The following FOXP1 variants were observed in gnomAD, a reference collection of about 807,000 sequenced individuals.
FOXP1 encodes the protein forkhead box protein P1.
Under a neutral mutation model 98.2 loss-of-function variants are expected in FOXP1, and 15 were observed. The observed-to-expected ratio is 0.15, with a 90% CI of 0.10 to 0.24. The LOEUF is 0.24. Ranked by LOEUF, FOXP1 falls within the 10% of genes least tolerant of loss-of-function variation. The probability of loss-of-function intolerance (pLI) is 1.00; values close to 1 mark genes in which losing one functional copy is unlikely to be tolerated. For synonymous variants in FOXP1, 371 were observed against 314.5 expected, an observed-to-expected ratio of 1.18 and a Z score of -1.90; for missense variants, 633 against 848.5, an observed-to-expected ratio of 0.75 and a Z score of 3.15.
At chr3:71,173,218 T>C (rs149989366) in intron 6 of FOXP1, among the ~76,000 whole-genome samples, 100 of 152,000 alleles carry the variant, frequency 6.6e-4, no homozygotes, top group African/African-American at 2.3e-3. Context: ...TTCTGAAAAA[T>C]CATCATAGTT....
intron 6 of FOXP1, among the ~76,000 whole-genome samples, chr3:71,180,186 T>G (rs2062203233): frequency 6.6e-6 from 1 of 152,098 alleles, no homozygotes; most frequent in Admixed American, 6.5e-5. Context: ...CACCTTTTTG[T>G]TTTTCTTGTT....
intron 5 of FOXP1, among the ~76,000 whole-genome samples, chr3:71,205,510 A>C (rs2063969135): frequency 6.6e-6 from 1 of 152,112 alleles, no homozygotes. Context: ...GCATGTTTTA[A>C]AAAAAAACAA....
At chr3:71,147,101 A>G (rs1247658700) in intron 6 of FOXP1, among the ~76,000 whole-genome samples, 1 of 152,164 alleles carries the variant, frequency 6.6e-6, no homozygotes, top group African/African-American at 2.4e-5. Context: ...TAACTTGGAG[A>G]AGTCTTAGTT....
intron 11 of FOXP1, among the ~76,000 whole-genome samples, chr3:71,030,220 G>C (rs886662656): frequency 2.0e-5 from 3 of 152,206 alleles, no homozygotes; most frequent in African/African-American, 7.2e-5. Context: ...GTTGGGTTCT[G>C]ATAGGAGGCT....
rs929765315 is a variant in FOXP1, at chr3:71,064,770, G to T, written c.283-10997C>A. The stretch of plus-strand genomic sequence containing the variant: ...GCGAGGCCCCCAGGAAGCGGGCGCC[G>T]CGGAGCCGGGGGAAGGAGAGCGAAA... On this transcript the variant is annotated intron_variant, in intron 7 of 20. Coordinates refer to ENST00000649528, the MANE Select transcript of FOXP1 (RefSeq NM_001349338.3). 3.0e-6 allele frequency: 3 copies of T among 984,032 alleles called. No homozygotes were observed. The African/African-American group carries it at 5.2e-5, about 17-fold the overall frequency. The allele number at this position is 984,032 out of a possible 1,614,324, so 61.0% of individuals were successfully genotyped here. A position where few individuals can be genotyped will look rare whatever the true frequency, so the allele number is the denominator to read the frequency against.
At chr3:71,319,965 C>A (rs2075297622) in intron 4 of FOXP1, among the ~76,000 whole-genome samples, 1 of 152,116 alleles carries the variant, frequency 6.6e-6, no homozygotes, top group Non-Finnish European at 1.5e-5. Context: ...ATTCTCTTTC[C>A]TTCACCCTGA....
At chr3:71,214,764 G>A (rs1306409221) in intron 5 of FOXP1, among the ~76,000 whole-genome samples, 1 of 152,194 alleles carries the variant, frequency 6.6e-6, no homozygotes, top group Non-Finnish European at 1.5e-5. Flanking sequence ...GCGGGGGAGA[G>A]AGGATCATAA....
intron 4 of FOXP1, among the ~76,000 whole-genome samples, chr3:71,348,602 GTA>G (rs533352361): frequency 2.7e-4 from 41 of 151,604 alleles, no homozygotes; most frequent in African/African-American, 9.9e-4. Flanking sequence ...ATGCAGGTGT[GTA>G]TGTGTGTGCA....
intron 6 of FOXP1, among the ~76,000 whole-genome samples, chr3:71,122,689 G>A (rs2058864536): frequency 6.6e-6 from 1 of 152,108 alleles, no homozygotes; most frequent in African/African-American, 2.4e-5. Context: ...AGGGAAGTTC[G>A]GGAAAGTTTT....
At chr3:71,001,954 A>G (rs1386544978) in intron 12 of FOXP1, among the ~76,000 whole-genome samples, 1 of 152,210 alleles carries the variant, frequency 6.6e-6, no homozygotes, top group Non-Finnish European at 1.5e-5. Context: ...GACTGTCATG[A>G]TATTTAGGCC....
chr3:71,007,026 T>C (rs1019223714), intron 12 of FOXP1, among the ~76,000 whole-genome samples: 2 of 152,186 alleles, frequency 1.3e-5, no homozygotes, highest in Non-Finnish European at 2.9e-5. Flanking sequence ...CTGTGGTATT[T>C]AGGCCACTTT....
chr3:71,455,107 TAGTC>T (rs994405534), intron 3 of FOXP1, among the ~76,000 whole-genome samples: 4 of 152,148 alleles, frequency 2.6e-5, no homozygotes, highest in Non-Finnish European at 4.4e-5. Flanking sequence ...TCTTTACAAA[TAGTC>T]AGTTTTTTAA....
chr3:71,365,448 A>C (rs997938733), intron 3 of FOXP1, among the ~76,000 whole-genome samples: 2 of 149,886 alleles, frequency 1.3e-5, no homozygotes, highest in Non-Finnish European at 3.0e-5. Flanking sequence ...TACTTGCAAC[A>C]ACCAAAAAAA....
In FOXP1 at chr3:71,115,317, T is replaced by TTTTATTTATTTATTTATTTA. The variant is rs10563814; in HGVS notation, c.181-2700_181-2681dup. Among the ~76,000 whole-genome samples, 1,354 of 144,132 alleles carry TTTTATTTATTTATTTATTTA rather than the reference T, an allele frequency of 9.4e-3. 13 individuals are homozygous for TTTTATTTATTTATTTATTTA. Among genetic ancestry groups the TTTTATTTATTTATTTATTTA allele is most frequent in the East Asian group, 0.045 (218 of 4,880 alleles). 94.6% of individuals were successfully genotyped at this position (144,132 alleles called of 152,430 possible). A position where few individuals can be genotyped will look rare whatever the true frequency, so the allele number is the denominator to read the frequency against. ...CACTCAATTATTATTATTATTATTA[T>TTTTATTTATTTATTTATTTA]TTTATTTATTTATTTATTTATTTAT... On this transcript the variant is annotated intron_variant, in intron 6 of 20. Coordinates refer to ENST00000649528, the MANE Select transcript of FOXP1 (RefSeq NM_001349338.3).
chr3:71,337,258 T>G (rs948781353), intron 4 of FOXP1, among the ~76,000 whole-genome samples: 1 of 152,248 alleles, frequency 6.6e-6, no homozygotes, highest in Non-Finnish European at 1.5e-5. Flanking sequence ...ACAATTTTTA[T>G]GTAAATATAT....
At chr3:71,165,336 G>C (rs1202768047) in intron 6 of FOXP1, among the ~76,000 whole-genome samples, 1 of 150,024 alleles carries the variant, frequency 6.7e-6, no homozygotes, top group African/African-American at 2.5e-5. Flanking sequence ...TGTGTTTAAT[G>C]AACGTTTACC....
At chr3:70,966,357 A>G (rs1045780761) in intron 19 of FOXP1, 1 of 408,370 alleles carries the variant, frequency 2.4e-6, no homozygotes, top group Non-Finnish European at 4.6e-6. Flanking sequence ...TATGAGGTTT[A>G]TGTCGGATGC....
chr3:71,536,946 C>T (rs113724336), intron 2 of FOXP1, among the ~76,000 whole-genome samples: 6 of 152,118 alleles, frequency 3.9e-5, no homozygotes, highest in Non-Finnish European at 8.8e-5. Context: ...AGTGACTTAA[C>T]ACCCCTGCTG....
chr3:71,566,014 G>A (rs931720348), intron 2 of FOXP1, among the ~76,000 whole-genome samples: 1 of 152,122 alleles, frequency 6.6e-6, no homozygotes, highest in Non-Finnish European at 1.5e-5. Context: ...CAATGGCCAA[G>A]GAAACAACCA....
Sources: gnomAD v4.1 joint callset for allele counts (sites outside exome capture counted in the v4.1 genomes callset) on GRCh38, gnomAD v4.1.1 for gene constraint, MANE v1.5 for transcripts, NCBI Gene and HGNC (gene_info 2026-07-23, HGNC 2026-07-21) for gene names.